Variants in NYAP2 observed in about 807,000 individuals in gnomAD.
NYAP2 encodes neuronal tyrosine-phosphorylated phosphoinositide-3-kinase adaptor 2, also known as neuronal tyrosine-phosphorylated phosphoinositide-3-kinase adapter 2.
In NYAP2, 23 loss-of-function variants were observed where a neutral mutation model predicts 50.4. That is an observed-to-expected ratio of 0.46 (90% confidence interval 0.33 to 0.65). The LOEUF is 0.65. Ranked by LOEUF, NYAP2 falls within the 30% of genes least tolerant of loss-of-function variation. The pLI is 0.02. For synonymous variants in NYAP2, 394 were observed against 365.2 expected (o/e 1.08, Z -0.90); for missense variants, 885 against 861.0 (o/e 1.03, Z -0.35).
At chr2:225,444,854 A>AGC (rs1459772647) in intron 3 of NYAP2, among the ~76,000 whole-genome samples, 4 of 152,264 alleles carry the variant, frequency 2.6e-5, no homozygotes, top group Non-Finnish European at 5.9e-5. Context: ...AAAAGACAAT[A>AGC]ACACTTATTT....
At chr2:225,670,876 A>G in the NYAP2 span, among the ~76,000 whole-genome samples, 1 of 152,162 alleles carries the variant, frequency 6.6e-6, no homozygotes, top group Non-Finnish European at 1.5e-5. Flanking sequence ...AATTATTTTT[A>G]CATTATAATC....
intron 3 of NYAP2, among the ~76,000 whole-genome samples, chr2:225,499,921 C>A (rs1253381694): frequency 6.6e-6 from 1 of 151,750 alleles, no homozygotes; most frequent in Non-Finnish European, 1.5e-5. Context: ...CAGGAGCTCA[C>A]GATGTTTGAG....
intron 2 of NYAP2, among the ~76,000 whole-genome samples, chr2:225,405,987 C>A (rs1023627689): frequency 2.4e-4 from 37 of 151,934 alleles, no homozygotes; most frequent in Non-Finnish European, 1.2e-4. Context: ...ATAATTCTAG[C>A]CACATTTAAG....
chr2:225,466,344 A>AT (rs1010099732), intron 3 of NYAP2, among the ~76,000 whole-genome samples: 10 of 151,690 alleles, frequency 6.6e-5, no homozygotes, highest in Admixed American at 4.6e-4. Flanking sequence ...TATTTTCTAG[A>AT]TTTTTTTTCT....
intron 3 of NYAP2, among the ~76,000 whole-genome samples, chr2:225,423,668 C>A (rs1412290619): frequency 6.6e-6 from 1 of 152,118 alleles, no homozygotes; most frequent in African/African-American, 2.4e-5. Flanking sequence ...ATAATGCATG[C>A]ATGTTATGTT....
intron 3 of NYAP2, among the ~76,000 whole-genome samples, chr2:225,463,660 C>T (rs972244928): frequency 6.6e-6 from 1 of 152,230 alleles, no homozygotes; most frequent in Non-Finnish European, 1.5e-5. Flanking sequence ...AAAATGACTT[C>T]GGTCAAATCA....
chr2:225,406,698 T>A (rs1694945105), intron 2 of NYAP2, among the ~76,000 whole-genome samples: 1 of 152,024 alleles, frequency 6.6e-6, no homozygotes, highest in Non-Finnish European at 1.5e-5. Context: ...CTCAAAAAAT[T>A]TGATCTCCTT....
intron 4 of NYAP2, among the ~76,000 whole-genome samples, chr2:225,533,458 G>A (rs538230349): frequency 1.4e-4 from 21 of 152,284 alleles, no homozygotes; most frequent in South Asian, 6.2e-4. Context: ...AGGCTAAGGC[G>A]GGTGGAGTGC....
At chr2:225,627,202 G>C (rs1223828835) in intron 6 of NYAP2, 76 bp downstream of exon 6, 3 of 1,085,516 alleles carry the variant, frequency 2.8e-6, no homozygotes, top group African/African-American at 3.1e-5. Flanking sequence ...ATCACTTACA[G>C]AATTATCACC....
chr2:225,492,132 C>A (rs557526535), intron 3 of NYAP2, among the ~76,000 whole-genome samples: 1 of 152,094 alleles, frequency 6.6e-6, no homozygotes, highest in South Asian at 2.1e-4. Flanking sequence ...CCCATGTGGC[C>A]GGTGTGTGTG....
intron 3 of NYAP2, among the ~76,000 whole-genome samples, chr2:225,492,412 GGTTA>G (rs1205354770): frequency 2.0e-5 from 3 of 152,168 alleles, no homozygotes; most frequent in African/African-American, 7.2e-5. Flanking sequence ...AACTTAGGCT[GGTTA>G]GTTAAACTCC....
chr2:225,528,311 A>G (rs1559205446), intron 4 of NYAP2, among the ~76,000 whole-genome samples: 1 of 152,226 alleles, frequency 6.6e-6, no homozygotes, highest in Admixed American at 6.5e-5. Context: ...ATCACAATAC[A>G]TTCTAAATAC....
At chr2:225,401,506 C>T (rs1328396149) in intron 2 of NYAP2, among the ~76,000 whole-genome samples, 2 of 151,964 alleles carry the variant, frequency 1.3e-5, no homozygotes, top group Admixed American at 6.6e-5. Context: ...TTCAAAACTA[C>T]CAGACAAACA....
At chr2:225,616,482 A>G (rs1692994495) in intron 5 of NYAP2, among the ~76,000 whole-genome samples, 2 of 152,138 alleles carry the variant, frequency 1.3e-5, no homozygotes, top group African/African-American at 4.8e-5. Context: ...GCTGGCTCTT[A>G]TCAGCTCCAG....
At chr2:225,539,427 T>C (rs931410152) in intron 4 of NYAP2, among the ~76,000 whole-genome samples, 1 of 152,224 alleles carries the variant, frequency 6.6e-6, no homozygotes, top group African/African-American at 2.4e-5. Flanking sequence ...CCACACTGTC[T>C]TCCACAATGG....
In NYAP2 at chr2:225,623,589, A is replaced by G. The variant is rs544055326; in HGVS notation, c.1619-3328A>G. On this transcript the variant is annotated intron_variant, in intron 5 of 6. Transcript: ENST00000636099. The stretch of plus-strand genomic sequence containing the variant: ...ACTGGGGACAATGAAATGTTTAGCT[A>G]CAATTTTCCTATGCAAACATGAAAC... Among the ~76,000 whole-genome samples, 8 of 152,336 alleles carry G rather than the reference A, an allele frequency of 5.3e-5. No homozygotes were observed. In the South Asian group the frequency reaches 8.3e-4, roughly 16 times the overall value.
rs533420845 is a variant in NYAP2 at position 225,581,839 on chromosome 2, C to T, written c.524-102C>T. ...CTCAAACTAAGAATGAAGCTGTCTA[C>T]CCCTCTGGCCTAAAGTTTATTGTAG... On this transcript the variant is annotated intron_variant, in intron 4 of 6. Transcript: ENST00000636099. 3.4e-4 allele frequency: 370 copies of T among 1,100,000 alleles called. 1 individual carries two copies. Among genetic ancestry groups the T allele is most frequent in the Non-Finnish European group, 9.6e-5 (73 of 759,122 alleles). The allele number at this position is 1,100,000 out of a possible 1,614,324, so 68.1% of individuals were successfully genotyped here. A position where few individuals can be genotyped will look rare whatever the true frequency, so the allele number is the denominator to read the frequency against.
At chr2:225,598,238 A>G (rs1052286953) in intron 5 of NYAP2, among the ~76,000 whole-genome samples, 1 of 152,170 alleles carries the variant, frequency 6.6e-6, no homozygotes, top group African/African-American at 2.4e-5. Flanking sequence ...ATGATTGTGA[A>G]AGATGATTTA....
At chr2:225,607,950 G>A (rs1692816886) in intron 5 of NYAP2, among the ~76,000 whole-genome samples, 2 of 152,110 alleles carry the variant, frequency 1.3e-5, no homozygotes, top group Admixed American at 1.3e-4. Flanking sequence ...AATACGCAGA[G>A]AATTGACTCG....
Sources: allele counts gnomAD v4.1 joint callset (sites outside exome capture counted in the v4.1 genomes callset), GRCh38; gene constraint gnomAD v4.1.1; transcripts MANE v1.5; gene names NCBI Gene and HGNC (gene_info 2026-07-23, HGNC 2026-07-21).